Variants in UBE2E2 observed in about 807,000 individuals in gnomAD.
The protein encoded by UBE2E2 is ubiquitin conjugating enzyme E2 E2, also known as ubiquitin-conjugating enzyme E2 E2.
Under a neutral mutation model 24.7 loss-of-function variants are expected in UBE2E2, and 6 were observed. That is an observed-to-expected ratio of 0.24 (90% CI 0.13 to 0.48). The LOEUF (loss-of-function observed/expected upper bound fraction) is 0.48, where lower values mean the gene tolerates loss of function less well. UBE2E2 is among the 20% of genes least tolerant of loss of function. The pLI, the probability that UBE2E2 is intolerant of heterozygous loss-of-function variation, is 0.99. For missense variants in UBE2E2, 169 were observed against 245.0 expected (o/e 0.69, Z 2.07); for synonymous variants, 104 against 83.6 (o/e 1.24, Z -1.33).
chr3:23,481,837 C>G (rs1559397489), intron 3 of UBE2E2, among the ~76,000 whole-genome samples: 1 of 152,206 alleles, frequency 6.6e-6, no homozygotes, highest in East Asian at 1.9e-4. Context: ...TTAAGGGATA[C>G]TACAAGTTGA....
At chr3:23,552,195 G>A (rs1695660827) in intron 5 of UBE2E2, among the ~76,000 whole-genome samples, 1 of 152,122 alleles carries the variant, frequency 6.6e-6, no homozygotes, top group Admixed American at 6.6e-5. Flanking sequence ...GTGTATTAAA[G>A]TTTTAGTCAG....
chr3:23,333,473 C>T (rs1392233584), intron 3 of UBE2E2, among the ~76,000 whole-genome samples: 1 of 152,070 alleles, frequency 6.6e-6, no homozygotes, highest in Non-Finnish European at 1.5e-5. Flanking sequence ...ACAGGTTTTC[C>T]TCCCCAACTC....
intron 3 of UBE2E2, among the ~76,000 whole-genome samples, chr3:23,239,447 C>A (rs185985248): frequency 6.6e-6 from 1 of 152,134 alleles, no homozygotes; most frequent in South Asian, 2.1e-4. Context: ...CCCCCTCCCC[C>A]CCAGCTTCTG....
intron 3 of UBE2E2, among the ~76,000 whole-genome samples, chr3:23,441,243 G>A (rs182864577): frequency 2.5e-4 from 38 of 152,010 alleles, no homozygotes; most frequent in Non-Finnish European, 4.1e-4. Flanking sequence ...AAGGAAGGCC[G>A]GGCGCAGTGG....
intron 3 of UBE2E2, among the ~76,000 whole-genome samples, chr3:23,455,860 C>G (rs1283043972): frequency 6.6e-6 from 1 of 152,126 alleles, no homozygotes; most frequent in African/African-American, 2.4e-5. Context: ...TAATTTCTTA[C>G]AATAAAACAA....
intron 3 of UBE2E2, among the ~76,000 whole-genome samples, chr3:23,322,833 A>G (rs1044817960): frequency 6.6e-6 from 1 of 151,914 alleles, no homozygotes; most frequent in Non-Finnish European, 1.5e-5. Context: ...TATTATCATT[A>G]TTTTGTCTAG....
chr3:23,372,190 G>A (rs920302764), intron 3 of UBE2E2, among the ~76,000 whole-genome samples: 1 of 152,192 alleles, frequency 6.6e-6, no homozygotes, highest in East Asian at 1.9e-4. Flanking sequence ...ACATTTTGCT[G>A]TATGTAAATT....
In UBE2E2 at chr3:23,208,728, A is replaced by G; in HGVS notation, c.29A>G (p.Asp10Gly). Residue 10 changes from aspartate to glycine, a missense_variant, in exon 2 of 6, where the codon GAC becomes GGC. By Grantham distance (94) the Asp-to-Gly change is moderately conservative (BLOSUM62 -1). Coordinates refer to ENST00000396703, the MANE Select transcript of UBE2E2 (RefSeq NM_152653.4). The stretch of plus-strand genomic sequence containing the variant: ...TCCACTGAGGCACAAAGAGTTGATG[A>G]CAGTCCAAGCACTAGTGGAGGAAGT... Reference protein sequence around the residue: MSTEAQRVDDSPSTSGGSSD... With the variant: MSTEAQRVDGSPSTSGGSSD... The G allele has an allele frequency of 6.2e-7, 1 of 1,612,416 alleles. No individual in the cohort carries two copies.
rs566459842 is a variant in UBE2E2 at position 23,289,494 on chromosome 3, C to T, written c.227+72182C>T. On this transcript the variant is annotated intron_variant, in intron 3 of 5. Transcript: ENST00000396703. ...AAAGCAATTTGACACTTTGCGACTTCTAGATACAATTTTTCAAATGTGATG... is the reference window on the plus strand; with the variant it reads ...AAAGCAATTTGACACTTTGCGACTTTTAGATACAATTTTTCAAATGTGATG... Among the ~76,000 whole-genome samples the T allele has an allele frequency of 2.6e-5, 4 of 152,262 alleles. No homozygotes were observed. In the East Asian group the frequency reaches 7.7e-4, roughly 29 times the overall value.
At chr3:23,450,017 C>A in intron 3 of UBE2E2, 2 of 778,222 alleles carry the variant, frequency 2.6e-6, no homozygotes, top group Non-Finnish European at 3.1e-6. Context: ...TTGAGGACCT[C>A]AGCAATTTTT....
intron 3 of UBE2E2, among the ~76,000 whole-genome samples, chr3:23,339,863 A>G (rs181960371): frequency 6.6e-6 from 1 of 152,286 alleles, no homozygotes; most frequent in East Asian, 1.9e-4. Context: ...TAAAATAATC[A>G]AAGTAGTCAG....
intron 5 of UBE2E2, among the ~76,000 whole-genome samples, chr3:23,578,633 A>G (rs145772433): frequency 4.9e-4 from 74 of 152,324 alleles, no homozygotes; most frequent in African/African-American, 1.8e-3. Flanking sequence ...TTGCATGGAC[A>G]TGGATGGTGT....
intron 3 of UBE2E2, among the ~76,000 whole-genome samples, chr3:23,456,759 C>A (rs557221873): frequency 6.6e-6 from 1 of 152,274 alleles, no homozygotes; most frequent in Admixed American, 6.5e-5. Context: ...ATTTAAGGCC[C>A]TAGGATTTTT....
intron 3 of UBE2E2, among the ~76,000 whole-genome samples, chr3:23,338,414 A>T (rs567620269): frequency 6.6e-5 from 10 of 152,280 alleles, no homozygotes; most frequent in African/African-American, 2.2e-4. Flanking sequence ...ATGAATGGAG[A>T]TAAAGAGAAG....
At chr3:23,505,043 C>G (rs1207788524) in intron 4 of UBE2E2, among the ~76,000 whole-genome samples, 1 of 150,160 alleles carries the variant, frequency 6.7e-6, no homozygotes, top group Non-Finnish European at 1.5e-5. Flanking sequence ...GAGGCTGGGA[C>G]TACAGGCACA....
chr3:23,282,993 A>T (rs959603790), intron 3 of UBE2E2, among the ~76,000 whole-genome samples: 4 of 152,322 alleles, frequency 2.6e-5, no homozygotes, highest in Admixed American at 1.3e-4. Context: ...TTGAGTGATA[A>T]TATAATGATA....
At chr3:23,439,148 T>G (rs1050622035) in intron 3 of UBE2E2, among the ~76,000 whole-genome samples, 12 of 152,252 alleles carry the variant, frequency 7.9e-5, no homozygotes, top group African/African-American at 2.9e-4. Flanking sequence ...TTCTTGACAT[T>G]GAATTCATGA....
intron 3 of UBE2E2, among the ~76,000 whole-genome samples, chr3:23,355,167 G>A (rs1055009779): frequency 1.3e-5 from 2 of 149,284 alleles, no homozygotes; most frequent in African/African-American, 4.9e-5. Context: ...CTCATAGGTG[G>A]GAATTGAACA....
intron 3 of UBE2E2, among the ~76,000 whole-genome samples, chr3:23,311,430 C>T (rs940419192): frequency 5.3e-5 from 8 of 152,142 alleles, no homozygotes; most frequent in African/African-American, 1.9e-4. Flanking sequence ...AGTTCCAGAT[C>T]CTTGAGGAAC....
Sources: gnomAD v4.1 joint callset for allele counts (sites outside exome capture counted in the v4.1 genomes callset) on GRCh38, gnomAD v4.1.1 for gene constraint, MANE v1.5 for transcripts, NCBI Gene and HGNC (gene_info 2026-07-23, HGNC 2026-07-21) for gene names.